Variants in ZMYM2 observed in about 807,000 individuals in gnomAD.
ZMYM2 encodes the protein zinc finger MYM-type containing 2, also known as zinc finger MYM-type protein 2.
ZMYM2 carries 56 observed loss-of-function variants against 162.8 expected under a neutral mutation model. The ratio of observed to expected loss-of-function variants is 0.34; its 90% confidence interval spans 0.28 to 0.43. The LOEUF is 0.43. Among genes scored for constraint, ZMYM2 ranks in the 20% least tolerant of loss-of-function variants. The pLI, the probability that ZMYM2 is intolerant of heterozygous loss-of-function variation, is 1.00. For synonymous variants in ZMYM2, 510 were observed against 541.6 expected (o/e 0.94, Z 0.81); for missense variants, 1,275 against 1,621.8 (o/e 0.79, Z 3.67).
At chr13:19,928,314 T>A in the ZMYM2 span, among the ~76,000 whole-genome samples, 3 of 152,192 alleles carry the variant, frequency 2.0e-5, no homozygotes, top group East Asian at 3.8e-4. Context: ...GCCTTTTTTT[T>A]ATTGATTTGT....
At chr13:20,000,537 T>C (rs1309403468) in intron 3 of ZMYM2, among the ~76,000 whole-genome samples, 2 of 152,224 alleles carry the variant, frequency 1.3e-5, no homozygotes, top group Non-Finnish European at 2.9e-5. Context: ...TTAAGAATGA[T>C]GATAAATGTA....
At chr13:19,913,811 G>T in the ZMYM2 span, among the ~76,000 whole-genome samples, 1 of 152,122 alleles carries the variant, frequency 6.6e-6, no homozygotes, top group Admixed American at 6.6e-5. Context: ...TGAAGCATTC[G>T]CCTGAATGCC....
At chr13:19,887,454 A>G in the ZMYM2 span, among the ~76,000 whole-genome samples, 8 of 151,630 alleles carry the variant, frequency 5.3e-5, no homozygotes, top group East Asian at 1.5e-3. Flanking sequence ...ATTCGAACCC[A>G]GGAGGCGGAG....
the ZMYM2 span, among the ~76,000 whole-genome samples, chr13:19,882,326 G>C: frequency 6.6e-6 from 1 of 152,060 alleles, no homozygotes. Context: ...ACAACTCAAT[G>C]ACAAAAAGGC....
chr13:19,913,811 G>A, the ZMYM2 span, among the ~76,000 whole-genome samples: 2 of 152,240 alleles, frequency 1.3e-5, no homozygotes, highest in African/African-American at 2.4e-5. Flanking sequence ...TGAAGCATTC[G>A]CCTGAATGCC....
At chr13:20,071,606 T>C (rs1000960058) in intron 21 of ZMYM2, among the ~76,000 whole-genome samples, 1 of 152,226 alleles carries the variant, frequency 6.6e-6, no homozygotes, top group African/African-American at 2.4e-5. Flanking sequence ...CCGTGGCCAG[T>C]CCAGGGCACT....
At chr13:19,880,662 C>T in the ZMYM2 span, among the ~76,000 whole-genome samples, 1 of 152,140 alleles carries the variant, frequency 6.6e-6, no homozygotes, top group South Asian at 2.1e-4. Flanking sequence ...CTCCTGAGCT[C>T]AGGCGATCCA....
intron 17 of ZMYM2, among the ~76,000 whole-genome samples, chr13:20,062,212 T>C (rs1956284333): frequency 6.6e-6 from 1 of 152,212 alleles, no homozygotes; most frequent in Non-Finnish European, 1.5e-5. Flanking sequence ...CCAGTGTTTT[T>C]GTTTAAGAAA....
chr13:20,031,171 A>T, intron 9 of ZMYM2, 148 bp from the exon 10 acceptor site: 1 of 497,182 alleles, frequency 2.0e-6, no homozygotes, highest in African/African-American at 2.0e-5. Flanking sequence ...ATTTTTAAGG[A>T]CAAAATTTGG....
At chr13:19,867,509 C>A in the ZMYM2 span, among the ~76,000 whole-genome samples, 1 of 151,980 alleles carries the variant, frequency 6.6e-6, no homozygotes, top group Non-Finnish European at 1.5e-5. Context: ...CAGTGAAAAG[C>A]TATTTTAAGC....
Position 19,966,545 on chromosome 13 carries a change from C to G in ZMYM2, c.-11+6519C>G, listed in dbSNP as rs373556267. On this transcript the variant is annotated intron_variant, in intron 2 of 24. Coordinates refer to ENST00000610343, the MANE Select transcript of ZMYM2 (RefSeq NM_197968.4). ...TCAGGGCTCACCGCAGCCCCTACCT[C>G]CTGGTTTCAAGCGTTTCTCCTGCGT... 2.6e-5 allele frequency among the ~76,000 whole-genome samples: 4 copies of G among 151,804 alleles called. No individual in the cohort carries two copies. The East Asian group carries it at 7.8e-4, about 29-fold the overall frequency.
At chr13:19,867,012 C>G in the ZMYM2 span, among the ~76,000 whole-genome samples, 2 of 152,066 alleles carry the variant, frequency 1.3e-5, no homozygotes, top group African/African-American at 4.8e-5. Flanking sequence ...GTAAAATAAA[C>G]CGTAGAGGAA....
chr13:20,011,546 T>C (rs1482049717), intron 6 of ZMYM2, among the ~76,000 whole-genome samples: 2 of 151,926 alleles, frequency 1.3e-5, no homozygotes, highest in Admixed American at 1.3e-4. Context: ...ATAATGTCCT[T>C]TGATGTGCAG....
At chr13:20,049,365 A>G (rs1955106254) in intron 12 of ZMYM2, among the ~76,000 whole-genome samples, 1 of 151,972 alleles carries the variant, frequency 6.6e-6, no homozygotes, top group Non-Finnish European at 1.5e-5. Flanking sequence ...CGATGAAGTG[A>G]TTCCATTGTT....
the ZMYM2 span, among the ~76,000 whole-genome samples, chr13:19,872,213 G>A: frequency 1.3e-5 from 2 of 151,450 alleles, no homozygotes; most frequent in South Asian, 2.1e-4. Context: ...CTGAACTCAA[G>A]TGATCCACAG....
At chr13:19,880,242 C>G in the ZMYM2 span, among the ~76,000 whole-genome samples, 3 of 152,256 alleles carry the variant, frequency 2.0e-5, no homozygotes, top group East Asian at 5.8e-4. Context: ...ATCCTATTGG[C>G]TCTATTTCTC....
chr13:19,999,977 A>T (rs1245456482), intron 3 of ZMYM2, among the ~76,000 whole-genome samples: 1 of 152,028 alleles, frequency 6.6e-6, no homozygotes, highest in Non-Finnish European at 1.5e-5. Flanking sequence ...TTTAAAAAAT[A>T]TTTTTTGTGG....
chr13:19,957,802 C>T (rs532146009), upstream of ZMYM2, among the ~76,000 whole-genome samples: 14 of 152,332 alleles, frequency 9.2e-5, no homozygotes, highest in African/African-American at 2.9e-4. Context: ...CGGTGGGAGC[C>T]CAGCTCCAGG....
intron 7 of ZMYM2, among the ~76,000 whole-genome samples, chr13:20,021,016 C>T (rs1369364358): frequency 6.0e-5 from 9 of 151,168 alleles, no homozygotes; most frequent in African/African-American, 1.7e-4. Context: ...TGCTCTGTCA[C>T]CCAGGCTGGA....
Sources: gnomAD v4.1 joint callset for allele counts (sites outside exome capture counted in the v4.1 genomes callset) on GRCh38, gnomAD v4.1.1 for gene constraint, MANE v1.5 for transcripts, NCBI Gene and HGNC (gene_info 2026-07-23, HGNC 2026-07-21) for gene names.